The following SSH2 variants were observed in gnomAD, a reference collection of about 807,000 sequenced individuals.
SSH2 encodes the protein slingshot protein phosphatase 2.
A neutral mutation model predicts 135.2 loss-of-function variants in SSH2; 37 were observed. That is an observed-to-expected ratio of 0.27 (90% CI 0.21 to 0.36). The LOEUF is 0.36. Among genes scored for constraint, SSH2 ranks in the 10% least tolerant of loss-of-function variants. SSH2 has a pLI of 1.00. For missense variants in SSH2, 1,408 were observed against 1,765.3 expected (o/e 0.80, Z 3.63); for synonymous variants, 628 against 646.2 (o/e 0.97, Z 0.43).
chr17:29,831,640 C>T (rs1453659425), intron 2 of SSH2, among the ~76,000 whole-genome samples: 1 of 146,452 alleles, frequency 6.8e-6, no homozygotes, highest in Non-Finnish European at 1.5e-5. Context: ...GGTGCGATTT[C>T]GGCTCACTGC....
rs1174754177 is a variant in SSH2, at chr17:29,627,118, C to G, written c.*3723G>C. ...CTCTGCATGAGGACTCACAGGACAG[C>G]CAGGGCACTGATGCCTGCAGGACTG... On this transcript the variant is annotated 3_prime_UTR_variant, in exon 16 of 16. Coordinates refer to ENST00000540801, the MANE Select transcript of SSH2 (RefSeq NM_001282129.2). 6.6e-6 allele frequency: 1 copy of G among 152,558 alleles called. No homozygotes were observed. The highest frequency in any genetic ancestry group is 1.5e-5 in the Non-Finnish European group (1 of 68,024). The allele number at this position is 152,558 out of a possible 1,614,324, so 9.5% of individuals were successfully genotyped here.
chr17:29,717,594 A>AG (rs1272250315), intron 3 of SSH2, among the ~76,000 whole-genome samples: 4 of 152,372 alleles, frequency 2.6e-5, no homozygotes, highest in Non-Finnish European at 5.9e-5. Flanking sequence ...TGAAGCAGAG[A>AG]AAGAGTAACA....
chr17:29,833,917 C>G (rs1479101560), intron 2 of SSH2, among the ~76,000 whole-genome samples: 1 of 108,720 alleles, frequency 9.2e-6, no homozygotes, highest in Non-Finnish European at 1.9e-5. Flanking sequence ...CCCTCCCTCC[C>G]TGCCTCCTTC....
chr17:29,754,856 C>T (rs2151239081), intron 3 of SSH2, among the ~76,000 whole-genome samples: 1 of 152,164 alleles, frequency 6.6e-6, no homozygotes, highest in South Asian at 2.1e-4. Flanking sequence ...ACAGGGTCTC[C>T]CTGTGTTGCT....
intron 1 of SSH2, among the ~76,000 whole-genome samples, chr17:29,850,531 T>A (rs2065535817): frequency 6.6e-6 from 1 of 152,236 alleles, no homozygotes; most frequent in Non-Finnish European, 1.5e-5. Context: ...TCAGAGTTAC[T>A]CTTTCTGATA....
chr17:29,637,345 C>T (rs2035952600), intron 14 of SSH2, among the ~76,000 whole-genome samples: 1 of 152,144 alleles, frequency 6.6e-6, no homozygotes, highest in African/African-American at 2.4e-5. Context: ...GTGATATGCC[C>T]ACATTGGCCC....
intron 1 of SSH2, among the ~76,000 whole-genome samples, chr17:29,915,578 C>T (rs1387340277): frequency 2.0e-5 from 3 of 152,076 alleles, no homozygotes; most frequent in Admixed American, 2.0e-4. Context: ...CGATCTGTCC[C>T]ACTATATTGA....
chr17:29,649,770 T>C (rs2036519920), intron 13 of SSH2, among the ~76,000 whole-genome samples: 1 of 152,152 alleles, frequency 6.6e-6, no homozygotes, highest in Admixed American at 6.5e-5. Context: ...GTATTATTAC[T>C]GGGAATAATT....
chr17:29,905,003 A>G (rs2066627376), intron 1 of SSH2, among the ~76,000 whole-genome samples: 1 of 152,222 alleles, frequency 6.6e-6, no homozygotes, highest in South Asian at 2.1e-4. Flanking sequence ...CAGAGAGGAC[A>G]GAAACAAATG....
At chr17:29,783,718 A>T (rs1363425010) in intron 3 of SSH2, among the ~76,000 whole-genome samples, 1 of 152,098 alleles carries the variant, frequency 6.6e-6, no homozygotes. Context: ...ATTACACCTG[A>T]AAAGGCATCT....
chr17:29,878,787 T>C (rs77685354), intron 1 of SSH2, among the ~76,000 whole-genome samples: 9,449 of 152,246 alleles, frequency 0.062, 550 homozygotes, highest in African/African-American at 0.16. Flanking sequence ...TATGTTATGA[T>C]TGTAATAAGC....
At chr17:29,766,766 CAG>C (rs1218766722) in intron 3 of SSH2, among the ~76,000 whole-genome samples, 3 of 152,022 alleles carry the variant, frequency 2.0e-5, no homozygotes, top group Non-Finnish European at 4.4e-5. Flanking sequence ...GAAAAATAAA[CAG>C]TAAGTTAATC....
intron 4 of SSH2, among the ~76,000 whole-genome samples, chr17:29,697,326 A>G (rs1330650827): frequency 6.6e-6 from 1 of 152,190 alleles, no homozygotes; most frequent in African/African-American, 2.4e-5. Flanking sequence ...TTGTTCTCAC[A>G]TTGGTCTTGA....
chr17:29,761,869 G>A (rs1192784474), intron 3 of SSH2, among the ~76,000 whole-genome samples: 8 of 129,466 alleles, frequency 6.2e-5, no homozygotes, highest in African/African-American at 2.0e-4. Context: ...GTGTGTGTGT[G>A]TGTATATATA....
chr17:29,886,235 A>G (rs1168850456), intron 1 of SSH2, among the ~76,000 whole-genome samples: 1 of 152,190 alleles, frequency 6.6e-6, no homozygotes, highest in Non-Finnish European at 1.5e-5. Flanking sequence ...TCATAGCGAT[A>G]TGGACAATAA....
At chr17:29,684,454 G>T in intron 6 of SSH2, 109 bp downstream of exon 6, 1 of 1,091,678 alleles carries the variant, frequency 9.2e-7, no homozygotes, top group Non-Finnish European at 1.3e-6. Flanking sequence ...TCTAGTCTGG[G>T]CAACAGAGTG....
intron 1 of SSH2, among the ~76,000 whole-genome samples, chr17:29,913,351 TATATATATATATATA>T (rs2066815263): frequency 9.7e-5 from 2 of 20,658 alleles, no homozygotes; most frequent in Admixed American, 1.9e-3. Context: ...AAAAAAAATA[TATATATATATATATA>T]TATATATATA....
At chr17:29,924,569 G>A (rs1411454284) in intron 1 of SSH2, among the ~76,000 whole-genome samples, 1 of 152,002 alleles carries the variant, frequency 6.6e-6, no homozygotes, top group East Asian at 1.9e-4. Context: ...GGGTCCTAGA[G>A]GGCTATCTGT....
intron 3 of SSH2, among the ~76,000 whole-genome samples, chr17:29,760,545 G>A (rs2041258472): frequency 6.6e-6 from 1 of 152,152 alleles, no homozygotes; most frequent in Admixed American, 6.5e-5. Context: ...ATTTAAAGAT[G>A]CATTTGCGCT....
Sources: allele counts gnomAD v4.1 joint callset (sites outside exome capture counted in the v4.1 genomes callset), GRCh38; gene constraint gnomAD v4.1.1; transcripts MANE v1.5; gene names NCBI Gene and HGNC (gene_info 2026-07-23, HGNC 2026-07-21).